The following BIN2 variants were observed in gnomAD, a reference collection of about 807,000 sequenced individuals.
BIN2 encodes breast cancer associated protein BRAP1.
A neutral mutation model predicts 67.9 loss-of-function variants in BIN2; 43 were observed. The observed-to-expected ratio is 0.63, with a 90% confidence interval of 0.50 to 0.82. The LOEUF (loss-of-function observed/expected upper bound fraction) is 0.82, where lower values mean the gene tolerates loss of function less well. BIN2 is among the 40% of genes least tolerant of loss of function. BIN2 has a pLI of 0.00. For synonymous variants in BIN2, 244 were observed against 246.8 expected (o/e 0.99, Z 0.11); for missense variants, 581 against 671.6 (o/e 0.87, Z 1.49).
intron 12 of BIN2, among the ~76,000 whole-genome samples, chr12:51,283,648 T>A (rs1488267084): frequency 6.6e-6 from 1 of 152,052 alleles, no homozygotes; most frequent in Non-Finnish European, 1.5e-5. Flanking sequence ...AAAAAAGTTT[T>A]AAAAAGAAAC....
In BIN2 at chr12:51,292,070, C is replaced by G. The variant is rs759882503; in HGVS notation, c.1036G>C (p.Ala346Pro). The change falls in exon 10 of 13, where the codon GCC (alanine) becomes CCC (proline). Residue 346 changes from alanine (A) to proline (P), a missense_variant. Physicochemically the swap from Ala to Pro is conservative, Grantham distance 27 (BLOSUM62 -1). Transcript: ENST00000615107. ...PLPACNGPAQAQPSPTTERAK... is the reference protein window; with the variant it reads ...PLPACNGPAQPQPSPTTERAK... ...CTTTCAGTGGTAGGAGAGGGCTGGG[C>G]CTGGGCGGGGCCATTGCAGGCTGGT... is the stretch of plus-strand genomic sequence containing the variant. The G allele has an allele frequency of 6.2e-7, 1 of 1,614,098 alleles. No homozygotes were observed. Among genetic ancestry groups the G allele is most frequent in the Non-Finnish European group, 8.5e-7 (1 of 1,179,984 alleles).
At chr12:51,283,080 C>T (rs1945151243) in intron 12 of BIN2, among the ~76,000 whole-genome samples, 1 of 151,180 alleles carries the variant, frequency 6.6e-6, no homozygotes, top group South Asian at 2.1e-4. Flanking sequence ...CATGGTGAAA[C>T]CCTGTCTCTA....
At chr12:51,299,562 A>C (rs1565679264) in intron 6 of BIN2, 45 bp downstream of exon 6, 1 of 1,567,124 alleles carries the variant, frequency 6.4e-7, no homozygotes, top group South Asian at 1.1e-5. Flanking sequence ...GGGGAGAAGG[A>C]GAACAGGAAG....
chr12:51,324,214 A>G (rs1201890359), upstream of BIN2: 2 of 1,491,592 alleles, frequency 1.3e-6, no homozygotes, highest in Non-Finnish European at 1.8e-6. Context: ...CCCAGCCCTG[A>G]GCCACCTCAG....
intron 1 of BIN2, among the ~76,000 whole-genome samples, chr12:51,321,663 T>G (rs1031156553): frequency 6.6e-6 from 1 of 152,182 alleles, no homozygotes. Context: ...CCTCCCAAAG[T>G]GCTGGGATTA....
chr12:51,281,111 A>T lies in BIN2; in HGVS notation c.*388T>A, dbSNP rs1945110721. The T allele has an allele frequency of 5.2e-6, 1 of 193,596 alleles. No homozygotes were observed. Among genetic ancestry groups the T allele is most frequent in the Non-Finnish European group, 1.1e-5 (1 of 94,108 alleles). 12.0% of individuals were successfully genotyped at this position (193,596 alleles called of 1,614,324 possible). ...CTTTAAGTCTTGCAAAATGGGTCGT[A>T]AGTCAAAGACAGATTTGTTCACTAT... is the stretch of plus-strand genomic sequence containing the variant. On this transcript the variant is annotated 3_prime_UTR_variant, in exon 13 of 13. Transcript: ENST00000615107.
intron 2 of BIN2, among the ~76,000 whole-genome samples, chr12:51,307,878 C>A (rs1323395988): frequency 6.6e-6 from 1 of 152,036 alleles, no homozygotes; most frequent in Non-Finnish European, 1.5e-5. Context: ...AAAATGAATG[C>A]CTTCTGCTTT....
intron 2 of BIN2, among the ~76,000 whole-genome samples, chr12:51,307,225 G>A (rs1391816963): frequency 1.3e-5 from 2 of 148,474 alleles, no homozygotes; most frequent in African/African-American, 2.5e-5. Flanking sequence ...GGAGGTTACA[G>A]TGAGCTGAGA....
At chr12:51,320,600 C>A (rs1171326953) in intron 1 of BIN2, among the ~76,000 whole-genome samples, 1 of 151,462 alleles carries the variant, frequency 6.6e-6, no homozygotes, top group East Asian at 1.9e-4. Flanking sequence ...AATAGACCTG[C>A]ATCTCTCAGG....
intron 4 of BIN2, 30 bp downstream of exon 4, chr12:51,302,656 A>AATAAGTTGTAAAACTC (rs1461099149): frequency 1.3e-6 from 2 of 1,561,520 alleles, no homozygotes; most frequent in Non-Finnish European, 1.8e-6. Context: ...AGTAAGTGCC[A>AATAAGTTGTAAAACTC]ATAAGTTGTA....
At chr12:51,307,681 A>C (rs886108581) in intron 2 of BIN2, among the ~76,000 whole-genome samples, 1 of 151,544 alleles carries the variant, frequency 6.6e-6, no homozygotes, top group Non-Finnish European at 1.5e-5. Context: ...CTGCACTCCA[A>C]CCTGGGCGAC....
chr12:51,295,094 G>A (rs974951533), intron 9 of BIN2, among the ~76,000 whole-genome samples: 1 of 151,840 alleles, frequency 6.6e-6, no homozygotes. Context: ...CACCTTGCCC[G>A]GCTAATTTTT....
intron 9 of BIN2, 76 bp downstream of exon 9, chr12:51,295,720 C>A: frequency 8.1e-7 from 1 of 1,240,826 alleles, no homozygotes; most frequent in South Asian, 1.3e-5. Flanking sequence ...GGTCAGGATT[C>A]TGGACTGGAG....
intron 2 of BIN2, chr12:51,304,281 C>G (rs188825888): frequency 6.5e-6 from 1 of 152,746 alleles, no homozygotes; most frequent in East Asian, 1.9e-4. Flanking sequence ...TCCTATTAGT[C>G]TTGGGTTGGC....
chr12:51,309,364 C>CT (rs1362430104), intron 2 of BIN2, among the ~76,000 whole-genome samples: 1 of 152,194 alleles, frequency 6.6e-6, no homozygotes, highest in African/African-American at 2.4e-5. Flanking sequence ...CCTCCATAAA[C>CT]TAAGAGCCTT....
At chr12:51,295,228 A>C (rs1945505558) in intron 9 of BIN2, among the ~76,000 whole-genome samples, 2 of 127,762 alleles carry the variant, frequency 1.6e-5, no homozygotes, top group African/African-American at 5.3e-5. Context: ...TATAGGCATG[A>C]GCCACCATTG....
At chr12:51,319,595 C>T (rs1442831496) in intron 1 of BIN2, among the ~76,000 whole-genome samples, 4 of 152,134 alleles carry the variant, frequency 2.6e-5, no homozygotes, top group Admixed American at 6.5e-5. Flanking sequence ...TCTGGCCTGG[C>T]AGCTAAATTA....
At position 51,281,074 on chromosome 12, in the gene BIN2, G is replaced by A. The variant is rs1945109273; in HGVS notation, c.*425C>T. 5.8e-6 allele frequency: 1 copy of A among 173,198 alleles called. No homozygotes were observed. The highest frequency in any genetic ancestry group is 2.4e-5 in the African/African-American group (1 of 42,362). 10.7% of individuals were successfully genotyped at this position (173,198 alleles called of 1,614,324 possible). On this transcript the variant is annotated 3_prime_UTR_variant, in exon 13 of 13. Transcript: ENST00000615107. ...AGACTTTATTTAACAATCTGAAAAT[G>A]TGTTCTTCCGGCTTTAAGTCTTGCA...
chr12:51,314,546 T>C (rs1042445944), intron 1 of BIN2, among the ~76,000 whole-genome samples: 2 of 151,082 alleles, frequency 1.3e-5, no homozygotes, highest in African/African-American at 2.4e-5. Context: ...ACACTTGTAA[T>C]CCCAGCACTT....
Sources: allele counts gnomAD v4.1 joint callset (sites outside exome capture counted in the v4.1 genomes callset), GRCh38; gene constraint gnomAD v4.1.1; transcripts MANE v1.5; gene names NCBI Gene and HGNC (gene_info 2026-07-23, HGNC 2026-07-21).